The following DIS3L2 variants were observed in gnomAD, a reference collection of about 807,000 sequenced individuals.
DIS3L2 encodes the protein DIS3-like exonuclease 2.
Under a neutral mutation model 97.5 loss-of-function variants are expected in DIS3L2, and 34 were observed. The observed-to-expected ratio is 0.35, with a 90% CI of 0.27 to 0.46. DIS3L2 has a LOEUF of 0.46. Among genes scored for constraint, DIS3L2 ranks in the 20% least tolerant of loss-of-function variants. The pLI, the probability that DIS3L2 is intolerant of heterozygous loss-of-function variation, is 1.00. For missense variants in DIS3L2, 1,038 were observed against 1,146.0 expected (o/e 0.91, Z 1.36); for synonymous variants, 435 against 445.2 (o/e 0.98, Z 0.29).
intron 9 of DIS3L2, among the ~76,000 whole-genome samples, chr2:232,188,607 G>A (rs1006386124): frequency 6.6e-6 from 1 of 152,160 alleles, no homozygotes; most frequent in Non-Finnish European, 1.5e-5. Context: ...AGTATAAAAT[G>A]TAAAAGTATA....
chr2:232,259,144 G>A (rs927311870), intron 12 of DIS3L2, among the ~76,000 whole-genome samples: 2 of 152,146 alleles, frequency 1.3e-5, no homozygotes, highest in Non-Finnish European at 2.9e-5. Context: ...CAGGGTTGCA[G>A]GCGTTAAGGA....
chr2:232,338,805 C>T (rs1341540945), downstream of DIS3L2, among the ~76,000 whole-genome samples: 5 of 152,280 alleles, frequency 3.3e-5, no homozygotes, highest in Non-Finnish European at 5.9e-5. Flanking sequence ...TGTGGCCCCT[C>T]GCTAAAAGGA....
chr2:231,991,211 TTTCTTAAA>T (rs1445839962), intron 1 of DIS3L2, among the ~76,000 whole-genome samples: 5 of 152,146 alleles, frequency 3.3e-5, no homozygotes, highest in Non-Finnish European at 7.3e-5. Flanking sequence ...GCCTAAGAGT[TTTCTTAAA>T]TTCCGTAATG....
At chr2:232,005,844 G>A (rs1351170430) in intron 1 of DIS3L2, among the ~76,000 whole-genome samples, 1 of 152,212 alleles carries the variant, frequency 6.6e-6, no homozygotes, top group East Asian at 1.9e-4. Flanking sequence ...GCGCCTGGAA[G>A]GATGGGTTAG....
chr2:232,306,474 C>G lies in DIS3L2; in HGVS notation c.1739+6355C>G, dbSNP rs542758801. ...CTCTGACTTAATTTTTTTTTCACTT[C>G]AAGCATCTGAGAATTTTCTCATTAT... On this transcript the variant is annotated intron_variant, in intron 14 of 20. Coordinates refer to ENST00000325385, the MANE Select transcript of DIS3L2 (RefSeq NM_152383.5). 3.3e-5 allele frequency among the ~76,000 whole-genome samples: 5 copies of G among 152,142 alleles called. No homozygotes were observed. In the South Asian group the frequency reaches 1.0e-3, roughly 32 times the overall value.
chr2:232,176,349 C>T (rs999103842), intron 9 of DIS3L2, among the ~76,000 whole-genome samples: 19 of 152,300 alleles, frequency 1.2e-4, no homozygotes, highest in Non-Finnish European at 2.9e-5. Context: ...CCCCCTCTCT[C>T]TCTGTTTTGG....
intron 5 of DIS3L2, among the ~76,000 whole-genome samples, chr2:232,048,295 C>T (rs944234734): frequency 4.6e-5 from 7 of 152,146 alleles, no homozygotes; most frequent in East Asian, 1.9e-4. Context: ...TCTTTTCACA[C>T]GCAAGTCACC....
intron 9 of DIS3L2, among the ~76,000 whole-genome samples, chr2:232,203,103 A>G (rs1378117304): frequency 6.6e-6 from 1 of 152,256 alleles, no homozygotes; most frequent in African/African-American, 2.4e-5. Flanking sequence ...TACAGTTTAC[A>G]TAAAATTTGC....
intron 5 of DIS3L2, among the ~76,000 whole-genome samples, chr2:232,086,641 A>ATG (rs1254799394): frequency 2.4e-4 from 12 of 50,616 alleles, no homozygotes; most frequent in African/African-American, 1.1e-3. Flanking sequence ...ACATATATAT[A>ATG]TATGTATATA....
chr2:232,125,854 T>C (rs1698049731), intron 6 of DIS3L2, among the ~76,000 whole-genome samples: 1 of 152,216 alleles, frequency 6.6e-6, no homozygotes, highest in South Asian at 2.1e-4. Context: ...TGAGGACTTG[T>C]GTTTTCATTT....
At chr2:232,010,742 TCTCA>T (rs1439213718) in intron 1 of DIS3L2, among the ~76,000 whole-genome samples, 2 of 152,204 alleles carry the variant, frequency 1.3e-5, no homozygotes, top group East Asian at 1.9e-4. Flanking sequence ...TCTAGGAAGC[TCTCA>T]CTCCTGGGTC....
At chr2:231,984,322 A>G (rs1236008017) in intron 1 of DIS3L2, among the ~76,000 whole-genome samples, 2 of 148,204 alleles carry the variant, frequency 1.3e-5, no homozygotes, top group African/African-American at 2.5e-5. Context: ...ATTTTTTGAG[A>G]TGGAGTCTCA....
At chr2:232,089,896 A>G (rs952276292) in intron 6 of DIS3L2, among the ~76,000 whole-genome samples, 2 of 152,066 alleles carry the variant, frequency 1.3e-5, no homozygotes, top group Non-Finnish European at 2.9e-5. Context: ...CTCTGATGCT[A>G]TACCTCCTCT....
rs573145546 is a variant in DIS3L2, at chr2:232,115,120, A to G, written c.602-15499A>G. Among the ~76,000 whole-genome samples the G allele has an allele frequency of 4.6e-5, 7 of 152,264 alleles. No homozygotes were observed. The East Asian group carries it at 1.4e-3, about 29-fold the overall frequency. ...ATGAGAGCAGAGCCCTCCTGATCCA[A>G]TCACCTCTTAAAGGCTTCACCTCTC... On this transcript the variant is annotated intron_variant, in intron 6 of 20. Coordinates refer to ENST00000325385, the MANE Select transcript of DIS3L2 (RefSeq NM_152383.5).
At chr2:232,165,809 T>A (rs1690787969) in intron 9 of DIS3L2, among the ~76,000 whole-genome samples, 2 of 152,316 alleles carry the variant, frequency 1.3e-5, no homozygotes, top group South Asian at 4.1e-4. Flanking sequence ...ATTACAGGCG[T>A]GAGCCACCAC....
At chr2:232,072,686 G>A (rs1696057681) in intron 5 of DIS3L2, among the ~76,000 whole-genome samples, 1 of 152,030 alleles carries the variant, frequency 6.6e-6, no homozygotes, top group Admixed American at 6.6e-5. Flanking sequence ...CCCTTACATG[G>A]CTATTGCTTA....
At chr2:232,160,982 A>C (rs1690632298) in intron 8 of DIS3L2, among the ~76,000 whole-genome samples, 1 of 152,078 alleles carries the variant, frequency 6.6e-6, no homozygotes, top group South Asian at 2.1e-4. Context: ...CAGTGGCGTG[A>C]TCTCGGCTCA....
intron 9 of DIS3L2, among the ~76,000 whole-genome samples, chr2:232,176,241 A>G (rs1691148129): frequency 6.6e-6 from 1 of 152,150 alleles, no homozygotes; most frequent in African/African-American, 2.4e-5. Flanking sequence ...TTCTTGGCAT[A>G]CCATTGTTAT....
intron 13 of DIS3L2, among the ~76,000 whole-genome samples, chr2:232,270,553 A>G (rs749507688): frequency 8.5e-5 from 13 of 152,242 alleles, no homozygotes; most frequent in Non-Finnish European, 1.6e-4. Context: ...GAATATTTAA[A>G]TTAGATTCTG....
Sources: allele counts gnomAD v4.1 joint callset (sites outside exome capture counted in the v4.1 genomes callset), GRCh38; gene constraint gnomAD v4.1.1; transcripts MANE v1.5; gene names NCBI Gene and HGNC (gene_info 2026-07-23, HGNC 2026-07-21).